The following MSRA variants were observed in gnomAD, a reference collection of about 807,000 sequenced individuals.
MSRA encodes the protein mitochondrial peptide methionine sulfoxide reductase.
A neutral mutation model predicts 31.3 loss-of-function variants in MSRA; 54 were observed. The observed-to-expected ratio is 1.73, with a 90% confidence interval of 1.39 to 2.17. The LOEUF (loss-of-function observed/expected upper bound fraction) is 2.17, where lower values mean the gene tolerates loss of function less well. MSRA is among the 30% of genes most tolerant of loss of function. MSRA has a pLI of 0.00. For synonymous variants in MSRA, 169 were observed against 116.5 expected, an observed-to-expected ratio of 1.45 and a Z score of -2.90; for missense variants, 507 against 300.9, an observed-to-expected ratio of 1.69 and a Z score of -5.07.
At chr8:10,143,247 G>A (rs1365556677) in intron 1 of MSRA, among the ~76,000 whole-genome samples, 2 of 151,612 alleles carry the variant, frequency 1.3e-5, no homozygotes, top group African/African-American at 4.8e-5. Flanking sequence ...CACATCACCC[G>A]AGACCAAGTG....
At chr8:10,205,566 C>T (rs756553952) in intron 1 of MSRA, among the ~76,000 whole-genome samples, 15 of 151,996 alleles carry the variant, frequency 9.9e-5, no homozygotes, top group Admixed American at 5.9e-4. Flanking sequence ...GCTGGGCCAT[C>T]GACAGACCTT....
At chr8:10,409,967 G>A (rs1328867023) in intron 5 of MSRA, among the ~76,000 whole-genome samples, 1 of 152,240 alleles carries the variant, frequency 6.6e-6, no homozygotes, top group East Asian at 1.9e-4. Flanking sequence ...GGCTGAGGCA[G>A]GAGGATCGCT....
chr8:10,394,242 C>T (rs1186055238), intron 5 of MSRA, among the ~76,000 whole-genome samples: 4 of 152,188 alleles, frequency 2.6e-5, no homozygotes, highest in Non-Finnish European at 5.9e-5. Context: ...TAATACTATG[C>T]ATCTGTACTT....
At chr8:10,069,936 C>T (rs1226255226) in intron 1 of MSRA, among the ~76,000 whole-genome samples, 2 of 152,156 alleles carry the variant, frequency 1.3e-5, no homozygotes, top group Admixed American at 6.5e-5. Context: ...AAACCACACC[C>T]TCTTTAACGT....
intron 1 of MSRA, among the ~76,000 whole-genome samples, chr8:10,128,011 A>T (rs1398869370): frequency 6.6e-6 from 1 of 151,916 alleles, no homozygotes; most frequent in Non-Finnish European, 1.5e-5. Context: ...ACCGTGGTGC[A>T]TTTCCAGAGA....
In MSRA at chr8:10,076,081, C is replaced by T. The variant is rs534313527; in HGVS notation, c.142+21423C>T. 6.7e-5 allele frequency among the ~76,000 whole-genome samples: 7 copies of T among 104,184 alleles called. No homozygotes were observed. The East Asian group carries it at 1.9e-3, about 29-fold the overall frequency. The allele number at this position is 104,184 out of a possible 152,430, so 68.3% of individuals were successfully genotyped here. On this transcript the variant is annotated intron_variant, in intron 1 of 5. Coordinates refer to ENST00000317173, the MANE Select transcript of MSRA (RefSeq NM_012331.5). ...TGGACTGCGAGTCAGAGCTGTGCGTCATGTGCTTACTGGCTGTGTGACCTT... is the reference window on the plus strand; with the variant it reads ...TGGACTGCGAGTCAGAGCTGTGCGTTATGTGCTTACTGGCTGTGTGACCTT...
At chr8:10,410,049 G>T (rs1373676950) in intron 5 of MSRA, among the ~76,000 whole-genome samples, 1 of 152,214 alleles carries the variant, frequency 6.6e-6, no homozygotes, top group Admixed American at 6.5e-5. Flanking sequence ...TACAGAGCAA[G>T]ACCTTGTCTA....
intron 3 of MSRA, among the ~76,000 whole-genome samples, chr8:10,245,900 G>A (rs891555961): frequency 1.7e-4 from 26 of 152,162 alleles, no homozygotes; most frequent in Admixed American, 2.0e-4. Context: ...ATCAAGAATC[G>A]GGACCATTAT....
chr8:10,397,428 C>T (rs1441547385), intron 5 of MSRA, among the ~76,000 whole-genome samples: 1 of 152,116 alleles, frequency 6.6e-6, no homozygotes, highest in Non-Finnish European at 1.5e-5. Flanking sequence ...GAAATGGGGG[C>T]CCTGGCAGAG....
chr8:10,261,897 A>T (rs1356413526), intron 3 of MSRA, among the ~76,000 whole-genome samples: 3 of 152,210 alleles, frequency 2.0e-5, no homozygotes, highest in African/African-American at 7.2e-5. Flanking sequence ...GGCAATCACT[A>T]GCTTTTTACC....
intron 5 of MSRA, among the ~76,000 whole-genome samples, chr8:10,404,471 C>T (rs1300602942): frequency 6.6e-6 from 1 of 152,238 alleles, no homozygotes; most frequent in Non-Finnish European, 1.5e-5. Context: ...ACGTGGATGG[C>T]TTCAAAGTGA....
intron 2 of MSRA, among the ~76,000 whole-genome samples, chr8:10,234,818 C>T (rs933408984): frequency 1.6e-4 from 24 of 151,658 alleles, no homozygotes; most frequent in Non-Finnish European, 3.4e-4. Flanking sequence ...ATTTTAAGAA[C>T]AAAAGACTTT....
chr8:10,239,329 T>C (rs1812209805), intron 2 of MSRA, among the ~76,000 whole-genome samples: 1 of 152,142 alleles, frequency 6.6e-6, no homozygotes, highest in South Asian at 2.1e-4. Context: ...GCCCAGCTAA[T>C]TTTTGTGTTT....
intron 2 of MSRA, among the ~76,000 whole-genome samples, chr8:10,213,882 C>G (rs1809745298): frequency 6.6e-6 from 1 of 152,056 alleles, no homozygotes; most frequent in Non-Finnish European, 1.5e-5. Context: ...TGAACCCGTA[C>G]CATTTGGGAA....
chr8:10,293,451 C>A (rs140454654), intron 3 of MSRA, among the ~76,000 whole-genome samples: 1 of 152,178 alleles, frequency 6.6e-6, no homozygotes, highest in Non-Finnish European at 1.5e-5. Flanking sequence ...ACTGCTCAGG[C>A]GTGACTGCTT....
intron 1 of MSRA, among the ~76,000 whole-genome samples, chr8:10,181,253 A>T (rs913216009): frequency 7.9e-5 from 12 of 152,192 alleles, no homozygotes; most frequent in Non-Finnish European, 1.5e-4. Flanking sequence ...TATTATCTAG[A>T]GAGCAAGGGT....
At chr8:10,399,802 T>A (rs1179338967) in intron 5 of MSRA, among the ~76,000 whole-genome samples, 1 of 152,008 alleles carries the variant, frequency 6.6e-6, no homozygotes, top group African/African-American at 2.4e-5. Flanking sequence ...GGCTGTAGCA[T>A]TGATTAGTGC....
intron 5 of MSRA, among the ~76,000 whole-genome samples, chr8:10,343,575 A>C (rs1803578592): frequency 6.6e-6 from 1 of 152,124 alleles, no homozygotes. Context: ...ATTGTCTCCT[A>C]CATCAGTTCA....
intron 1 of MSRA, among the ~76,000 whole-genome samples, chr8:10,186,198 T>A (rs1437434421): frequency 6.6e-6 from 1 of 152,158 alleles, no homozygotes; most frequent in Non-Finnish European, 1.5e-5. Context: ...AAGAGGTGCT[T>A]CCTTGTAACC....
Sources: gnomAD v4.1 joint callset for allele counts (sites outside exome capture counted in the v4.1 genomes callset) on GRCh38, gnomAD v4.1.1 for gene constraint, MANE v1.5 for transcripts, NCBI Gene and HGNC (gene_info 2026-07-23, HGNC 2026-07-21) for gene names.